Variants in CSMD1 observed in about 807,000 individuals in gnomAD.
CSMD1 encodes the protein CUB and Sushi multiple domains 1.
A neutral mutation model predicts 417.5 loss-of-function variants in CSMD1; 213 were observed. That is an observed-to-expected ratio of 0.51 (90% CI 0.46 to 0.57). The LOEUF (loss-of-function observed/expected upper bound fraction) is 0.57. Among genes scored for constraint, CSMD1 ranks in the 20% least tolerant of loss-of-function variants. The probability of loss-of-function intolerance (pLI) is 0.00; values close to 1 mark genes in which losing one functional copy is unlikely to be tolerated. For synonymous variants in CSMD1, 2,862 were observed against 1,736.8 expected, an observed-to-expected ratio of 1.65 and a Z score of -16.11; for missense variants, 6,923 against 4,529.7, an observed-to-expected ratio of 1.53 and a Z score of -15.17.
At chr8:4,739,501 C>T (rs1628885) in intron 1 of CSMD1, among the ~76,000 whole-genome samples, 138,579 of 152,282 alleles carry the variant, frequency 0.91, 63,237 homozygotes, top group African/African-American at 0.97. Context: ...AGTAACAAAA[C>T]TTTTCTGTGC....
chr8:4,583,001 C>T (rs1400397020), intron 2 of CSMD1, among the ~76,000 whole-genome samples: 1 of 152,124 alleles, frequency 6.6e-6, no homozygotes, highest in Non-Finnish European at 1.5e-5. Context: ...GTACTGAATC[C>T]CCCAGCAGTG....
intron 46 of CSMD1, among the ~76,000 whole-genome samples, chr8:3,103,700 G>T (rs1346046088): frequency 6.6e-6 from 1 of 150,894 alleles, no homozygotes; most frequent in African/African-American, 2.4e-5. Context: ...ATTTAAATAA[G>T]AACTTGGTTC....
intron 1 of CSMD1, among the ~76,000 whole-genome samples, chr8:4,966,567 G>C (rs1471257714): frequency 6.6e-6 from 1 of 152,134 alleles, no homozygotes. Flanking sequence ...ATGTGCAAGT[G>C]TCACACTGAC....
At chr8:3,934,046 C>G (rs1179895777) in intron 5 of CSMD1, among the ~76,000 whole-genome samples, 1 of 152,148 alleles carries the variant, frequency 6.6e-6, no homozygotes, top group Non-Finnish European at 1.5e-5. Context: ...CCACTCTGCT[C>G]TACACTGAGT....
At chr8:4,605,662 G>A (rs1396497347) in intron 2 of CSMD1, among the ~76,000 whole-genome samples, 1 of 152,090 alleles carries the variant, frequency 6.6e-6, no homozygotes, top group Non-Finnish European at 1.5e-5. Flanking sequence ...TCCTTATAAT[G>A]CTTTAACATA....
chr8:4,337,425 G>C (rs1475986553), intron 3 of CSMD1, among the ~76,000 whole-genome samples: 3 of 152,034 alleles, frequency 2.0e-5, no homozygotes, highest in East Asian at 3.9e-4. Flanking sequence ...TTCTATCTTA[G>C]CCTTCTCTGT....
intron 4 of CSMD1, among the ~76,000 whole-genome samples, chr8:4,012,154 G>C (rs1186577461): frequency 6.6e-6 from 1 of 151,986 alleles, no homozygotes; most frequent in African/African-American, 2.4e-5. Context: ...ACATTTCATT[G>C]AAACTGGATG....
intron 25 of CSMD1, among the ~76,000 whole-genome samples, chr8:3,290,975 T>C (rs535205683): frequency 3.7e-4 from 57 of 152,284 alleles, no homozygotes; most frequent in African/African-American, 1.3e-3. Context: ...CATAGATAGC[T>C]CTTATTATTT....
intron 3 of CSMD1, among the ~76,000 whole-genome samples, chr8:4,118,394 G>T: frequency 7.3e-6 from 1 of 137,560 alleles, no homozygotes; most frequent in Non-Finnish European, 1.6e-5. Flanking sequence ...AGAACTTAAA[G>T]AAATTTACAA....
chr8:4,242,197 A>G (rs1384430402), intron 3 of CSMD1, among the ~76,000 whole-genome samples: 6 of 152,196 alleles, frequency 3.9e-5, no homozygotes, highest in Non-Finnish European at 8.8e-5. Flanking sequence ...AACTTTAAAT[A>G]AAAGAATTGT....
At chr8:3,935,388 A>G (rs920082770) in intron 5 of CSMD1, among the ~76,000 whole-genome samples, 3 of 152,204 alleles carry the variant, frequency 2.0e-5, no homozygotes, top group African/African-American at 7.2e-5. Context: ...ATCTCTTTGG[A>G]CTTTGCTCTA....
At chr8:3,709,829 T>C (rs1801405193) in intron 6 of CSMD1, among the ~76,000 whole-genome samples, 1 of 149,856 alleles carries the variant, frequency 6.7e-6, no homozygotes, top group South Asian at 2.2e-4. Flanking sequence ...GTCAGTTCCT[T>C]ATAGTAAATC....
At position 3,262,236 on chromosome 8, in the gene CSMD1, CACAT is replaced by C. The variant is rs151156525; in HGVS notation, c.4153+21904_4153+21907del. ...ATATATATATATATATATATACACA[CACAT>C]AGTTAATTTCAAAATTCCGAGAGGT... On this transcript the variant is annotated intron_variant, in intron 26 of 69. Transcript: ENST00000635120. Among the ~76,000 whole-genome samples the C allele has an allele frequency of 4.9e-3, 589 of 119,210 alleles. 27 individuals carry two copies. Among genetic ancestry groups the C allele is most frequent in the African/African-American group, 0.02 (546 of 26,952 alleles). 78.2% of individuals were successfully genotyped at this position (119,210 alleles called of 152,430 possible). A position where few individuals can be genotyped will look rare whatever the true frequency, so the allele number is the denominator to read the frequency against.
At chr8:4,779,582 C>A (rs1390225976) in intron 1 of CSMD1, among the ~76,000 whole-genome samples, 2 of 152,282 alleles carry the variant, frequency 1.3e-5, no homozygotes, top group East Asian at 3.9e-4. Flanking sequence ...ATGTTTAGCT[C>A]AAAGGAACAC....
intron 7 of CSMD1, among the ~76,000 whole-genome samples, chr8:3,670,831 G>A (rs553475200): frequency 2.4e-4 from 36 of 150,484 alleles, no homozygotes; most frequent in African/African-American, 8.3e-4. Flanking sequence ...TATGTATAGG[G>A]GATATATATG....
intron 3 of CSMD1, among the ~76,000 whole-genome samples, chr8:4,121,199 C>A (rs894878054): frequency 3.3e-5 from 5 of 152,174 alleles, no homozygotes; most frequent in African/African-American, 1.2e-4. Context: ...ACAGCAACCT[C>A]TGCCTCTCGG....
At chr8:3,263,433 C>G (rs1801221035) in intron 26 of CSMD1, among the ~76,000 whole-genome samples, 1 of 152,132 alleles carries the variant, frequency 6.6e-6, no homozygotes, top group African/African-American at 2.4e-5. Flanking sequence ...TATTCTAATT[C>G]CCCTATGTAT....
At chr8:4,406,628 C>G (rs1805044358) in intron 3 of CSMD1, among the ~76,000 whole-genome samples, 1 of 152,296 alleles carries the variant, frequency 6.6e-6, no homozygotes. Flanking sequence ...GAGGCTGGGA[C>G]TGGCCACACA....
intron 12 of CSMD1, among the ~76,000 whole-genome samples, chr8:3,462,579 G>T (rs1307214732): frequency 6.6e-6 from 1 of 152,162 alleles, no homozygotes; most frequent in East Asian, 1.9e-4. Flanking sequence ...ACCCAGATGG[G>T]ACTGTCTAGT....
Sources: gnomAD v4.1 joint callset for allele counts (sites outside exome capture counted in the v4.1 genomes callset) on GRCh38, gnomAD v4.1.1 for gene constraint, MANE v1.5 for transcripts, NCBI Gene and HGNC (gene_info 2026-07-23, HGNC 2026-07-21) for gene names.